The following SYNRG variants were observed in gnomAD, a reference collection of about 807,000 sequenced individuals.
SYNRG encodes AP1 gamma subunit binding protein 1.
SYNRG carries 37 observed loss-of-function variants against 130.9 expected under a neutral mutation model. The ratio of observed to expected loss-of-function variants is 0.28; its 90% CI spans 0.22 to 0.37. The LOEUF (loss-of-function observed/expected upper bound fraction) is 0.37, where lower values mean the gene tolerates loss of function less well. SYNRG is among the 10% of genes least tolerant of loss of function. The probability of loss-of-function intolerance (pLI) is 1.00; values close to 1 mark genes in which losing one functional copy is unlikely to be tolerated. For synonymous variants in SYNRG, 539 were observed against 568.1 expected (o/e 0.95, Z 0.73); for missense variants, 1,338 against 1,588.9 (o/e 0.84, Z 2.68).
At chr17:37,587,706 G>A (rs1045908173) in intron 3 of SYNRG, among the ~76,000 whole-genome samples, 3 of 152,150 alleles carry the variant, frequency 2.0e-5, no homozygotes, top group South Asian at 4.1e-4. Flanking sequence ...TCTTGGTAAC[G>A]TCAACAATCA....
At chr17:37,581,274 CTATTAT>C (rs34565960) in intron 6 of SYNRG, among the ~76,000 whole-genome samples, 39 of 149,568 alleles carry the variant, frequency 2.6e-4, no homozygotes, top group African/African-American at 4.7e-4. Flanking sequence ...ATTATTATTA[CTATTAT>C]TATTATTATT....
chr17:37,559,496 C>A (rs1343864386), intron 13 of SYNRG, among the ~76,000 whole-genome samples: 2 of 152,170 alleles, frequency 1.3e-5, no homozygotes, highest in Non-Finnish European at 2.9e-5. Context: ...TTCAGACCAG[C>A]CTGGCCAACA....
intron 14 of SYNRG, among the ~76,000 whole-genome samples, chr17:37,552,296 C>G (rs182374623): frequency 2.6e-5 from 4 of 151,980 alleles, no homozygotes; most frequent in Non-Finnish European, 4.4e-5. Context: ...AAAAACAAAA[C>G]AAAAGAAAAA....
At chr17:37,526,967 A>T (rs778624387) in intron 19 of SYNRG, among the ~76,000 whole-genome samples, 1 of 152,224 alleles carries the variant, frequency 6.6e-6, no homozygotes, top group Non-Finnish European at 1.5e-5. Flanking sequence ...CCATGCAGAG[A>T]CATAGTAAAG....
At chr17:37,577,061 A>T (rs549149819) in intron 7 of SYNRG, among the ~76,000 whole-genome samples, 2 of 152,302 alleles carry the variant, frequency 1.3e-5, no homozygotes, top group Non-Finnish European at 2.9e-5. Flanking sequence ...TTCAACCTTT[A>T]TGGAAGAACA....
At chr17:37,586,397 T>A (rs2146509433) in intron 4 of SYNRG, 22 bp downstream of exon 4, 1 of 1,613,676 alleles carries the variant, frequency 6.2e-7, no homozygotes, top group Admixed American at 1.7e-5. Flanking sequence ...TTTGTTATCC[T>A]TTAATTCTGG....
chr17:37,544,857 C>T (rs1249845978), intron 14 of SYNRG, among the ~76,000 whole-genome samples: 2 of 151,922 alleles, frequency 1.3e-5, no homozygotes, highest in African/African-American at 2.4e-5. Context: ...TTACTAGGCC[C>T]GACGAAAGCG....
At chr17:37,561,285 T>C in intron 12 of SYNRG, 28 bp from the exon 13 acceptor site, 1 of 1,608,154 alleles carries the variant, frequency 6.2e-7, no homozygotes, top group Non-Finnish European at 8.5e-7. Context: ...GAAGCTCAGT[T>C]AAGGTTAGGA....
intron 11 of SYNRG, among the ~76,000 whole-genome samples, chr17:37,566,012 G>A (rs1280075297): frequency 7.3e-5 from 11 of 149,962 alleles, no homozygotes; most frequent in Admixed American, 4.0e-4. Context: ...GAGGGAGGTG[G>A]GGGGGTCAGC....
chr17:37,521,013 G>A (rs375957292), intron 19 of SYNRG, among the ~76,000 whole-genome samples: 142 of 148,476 alleles, frequency 9.6e-4, no homozygotes, highest in African/African-American at 3.4e-3. Flanking sequence ...CAGAGACTGC[G>A]TCCTAGAACT....
In SYNRG at chr17:37,516,110, AAAAG is replaced by A. The variant is rs2054405687; in HGVS notation, c.*2826_*2829del. ...TTTAAAGGCAAAACATCCCACCAAA[AAAAG>A]AAAAGTGCTTATTAATGGCCATTCA... On this transcript the variant is annotated 3_prime_UTR_variant, in exon 22 of 22. Transcript: ENST00000612223. 6.6e-6 allele frequency: 1 copy of A among 152,196 alleles called. No homozygotes were observed. The highest frequency in any genetic ancestry group is 2.4e-5 in the African/African-American group (1 of 41,454). 9.4% of individuals were successfully genotyped at this position (152,196 alleles called of 1,614,324 possible).
intron 14 of SYNRG, among the ~76,000 whole-genome samples, chr17:37,548,842 A>AAC (rs1491267618): frequency 1.3e-5 from 2 of 149,378 alleles, no homozygotes; most frequent in African/African-American, 5.0e-5. Context: ...AAAAAAAAAA[A>AAC]ACACACAAAA....
Position 37,518,880 on chromosome 17 carries a change from C to A in SYNRG, c.*60G>T. On this transcript the variant is annotated 3_prime_UTR_variant, in exon 22 of 22. Coordinates refer to ENST00000612223, the MANE Select transcript of SYNRG (RefSeq NM_007247.6). ...CAGTGCTCGCATTCTATTTATTGGT[C>A]CCTGTCACCCCGTGGGGTGTCACAG... 1 of 1,587,112 alleles carries A rather than the reference C, an allele frequency of 6.3e-7. No individual in the cohort carries two copies. The highest frequency in any genetic ancestry group is 1.1e-5 in the South Asian group (1 of 87,548).
At chr17:37,548,733 A>G (rs1195353768) in intron 14 of SYNRG, among the ~76,000 whole-genome samples, 1 of 151,502 alleles carries the variant, frequency 6.6e-6, no homozygotes, top group East Asian at 1.9e-4. Flanking sequence ...CAGGAGAGTC[A>G]CTTGAACCTC....
rs1320037475 is a variant in SYNRG at position 37,515,140 on chromosome 17, C to T, written c.*3800G>A. 1 of 152,198 alleles carries T rather than the reference C, an allele frequency of 6.6e-6. No homozygotes were observed. The highest frequency in any genetic ancestry group is 1.5e-5 in the Non-Finnish European group (1 of 68,042). The allele number at this position is 152,198 out of a possible 1,614,324, so 9.4% of individuals were successfully genotyped here. ...AAATAATGGAATTAAGTAAAAACTT[C>T]ATTATAATGCTATTTTGTTAGAAAA... On this transcript the variant is annotated 3_prime_UTR_variant, in exon 22 of 22. Coordinates refer to ENST00000612223, the MANE Select transcript of SYNRG (RefSeq NM_007247.6).
chr17:37,606,758 G>C (rs774783525), intron 1 of SYNRG, among the ~76,000 whole-genome samples: 1 of 152,048 alleles, frequency 6.6e-6, no homozygotes, highest in Non-Finnish European at 1.5e-5. Context: ...CAAAAGTAGG[G>C]TAATATTAAA....
chr17:37,596,002 G>A (rs779180825), intron 3 of SYNRG, among the ~76,000 whole-genome samples: 18 of 152,138 alleles, frequency 1.2e-4, no homozygotes, highest in Non-Finnish European at 2.2e-4. Flanking sequence ...TGATCTGCCC[G>A]CCTTGGCCTC....
chr17:37,584,847 A>T, intron 5 of SYNRG, 88 bp from the exon 6 acceptor site: 2 of 966,828 alleles, frequency 2.1e-6, no homozygotes, highest in Non-Finnish European at 3.1e-6. Context: ...ACAGATATTC[A>T]TCTATTTCCA....
chr17:37,578,640 C>T (rs1280699244), intron 6 of SYNRG, among the ~76,000 whole-genome samples: 1 of 152,190 alleles, frequency 6.6e-6, no homozygotes, highest in African/African-American at 2.4e-5. Context: ...GCCAAGATCC[C>T]TCCCAGCACC....
Sources: gnomAD v4.1 joint callset for allele counts (sites outside exome capture counted in the v4.1 genomes callset) on GRCh38, gnomAD v4.1.1 for gene constraint, MANE v1.5 for transcripts, NCBI Gene and HGNC (gene_info 2026-07-23, HGNC 2026-07-21) for gene names.